The following INPP4B variants were observed in gnomAD, a reference collection of about 807,000 sequenced individuals.
INPP4B encodes the protein inositol polyphosphate 4-phosphatase type II.
INPP4B carries 55 observed loss-of-function variants against 122.5 expected under a neutral mutation model. The observed-to-expected ratio is 0.45, with a 90% CI of 0.36 to 0.56. The LOEUF (loss-of-function observed/expected upper bound fraction) is 0.56. Ranked by LOEUF, INPP4B falls within the 20% of genes least tolerant of loss-of-function variation. The probability of loss-of-function intolerance (pLI) is 0.00; values close to 1 mark genes in which losing one functional copy is unlikely to be tolerated. For missense variants in INPP4B, 1,000 were observed against 1,097.7 expected, an observed-to-expected ratio of 0.91 and a Z score of 1.26; for synonymous variants, 403 against 388.7, an observed-to-expected ratio of 1.04 and a Z score of -0.43.
intron 9 of INPP4B, among the ~76,000 whole-genome samples, chr4:142,297,635 C>T (rs776504677): frequency 2.6e-5 from 4 of 152,196 alleles, no homozygotes; most frequent in Non-Finnish European, 4.4e-5. Flanking sequence ...ACTGAGCAAA[C>T]GCTGGTGTCA....
At chr4:142,199,993 A>G (rs1325186305) in intron 14 of INPP4B, among the ~76,000 whole-genome samples, 1 of 151,992 alleles carries the variant, frequency 6.6e-6, no homozygotes, top group Non-Finnish European at 1.5e-5. Flanking sequence ...GCATTCATTG[A>G]TGGATCTTGA....
intron 2 of INPP4B, among the ~76,000 whole-genome samples, chr4:142,633,969 T>C (rs1170424628): frequency 6.6e-6 from 1 of 150,712 alleles, no homozygotes; most frequent in Non-Finnish European, 1.5e-5. Flanking sequence ...GAGGCTCTGG[T>C]GAGCAGTGAT....
chr4:142,842,436 G>C (rs115599934), intron 1 of INPP4B, among the ~76,000 whole-genome samples: 1 of 148,610 alleles, frequency 6.7e-6, no homozygotes, highest in African/African-American at 2.5e-5. Flanking sequence ...TGGCCTTATG[G>C]TATACCATTG....
intron 3 of INPP4B, among the ~76,000 whole-genome samples, chr4:142,439,506 G>T (rs1460192881): frequency 6.6e-6 from 1 of 152,082 alleles, no homozygotes; most frequent in African/African-American, 2.4e-5. Flanking sequence ...CTCCTTCATG[G>T]ATTCTTTCAC....
chr4:142,694,171 C>G (rs1580721697), intron 2 of INPP4B, among the ~76,000 whole-genome samples: 1 of 151,780 alleles, frequency 6.6e-6, no homozygotes. Flanking sequence ...TCGGGAGTTC[C>G]AGACCAGCCT....
chr4:142,743,639 G>C (rs1263130055), intron 1 of INPP4B, among the ~76,000 whole-genome samples: 1 of 151,882 alleles, frequency 6.6e-6, no homozygotes, highest in African/African-American at 2.4e-5. Context: ...TGAGAAATTG[G>C]CTGCTTTATG....
intron 2 of INPP4B, among the ~76,000 whole-genome samples, chr4:142,585,248 G>A (rs1735916242): frequency 1.3e-5 from 2 of 152,152 alleles, no homozygotes; most frequent in African/African-American, 4.8e-5. Context: ...AATGATGTTA[G>A]AAAACAAGAT....
chr4:142,390,359 A>G (rs541300642), intron 7 of INPP4B, among the ~76,000 whole-genome samples: 15 of 152,200 alleles, frequency 9.9e-5, no homozygotes, highest in Non-Finnish European at 1.9e-4. Flanking sequence ...CCCTCTATCA[A>G]TGAGTAAAGG....
intron 2 of INPP4B, among the ~76,000 whole-genome samples, chr4:142,498,467 C>T (rs1253651292): frequency 1.3e-5 from 2 of 151,964 alleles, no homozygotes; most frequent in African/African-American, 2.4e-5. Flanking sequence ...TACAAAGAAT[C>T]TTCCTATTAA....
chr4:142,767,219 G>T (rs1772289504), intron 1 of INPP4B, among the ~76,000 whole-genome samples: 1 of 152,126 alleles, frequency 6.6e-6, no homozygotes, highest in Non-Finnish European at 1.5e-5. Context: ...TCTTCTTCCG[G>T]TGGGGGAGGG....
intron 2 of INPP4B, among the ~76,000 whole-genome samples, chr4:142,521,207 A>G (rs532748278): frequency 1.3e-5 from 2 of 152,144 alleles, no homozygotes; most frequent in African/African-American, 4.8e-5. Context: ...GCTGTGATGT[A>G]TAACAGCATT....
chr4:142,356,969 G>T (rs1171842887), intron 7 of INPP4B, among the ~76,000 whole-genome samples: 1 of 151,948 alleles, frequency 6.6e-6, no homozygotes, highest in African/African-American at 2.4e-5. Context: ...AGTGCTTCCA[G>T]GCTGGTGAAT....
rs1329859125 is a variant in INPP4B at position 142,297,113 on chromosome 4, C to G, written c.503+8345G>C. On this transcript the variant is annotated intron_variant, in intron 9 of 25. Transcript: ENST00000262992. ...TTATGAATTTCTGTCCTGATTTCAA[C>G]CTTTTATTGCTAAAGTTTTTAGTCT... 2.0e-5 allele frequency among the ~76,000 whole-genome samples: 3 copies of G among 152,278 alleles called. No individual in the cohort carries two copies. In the South Asian group the frequency reaches 6.2e-4, roughly 32 times the overall value.
At chr4:142,721,599 G>C (rs576698589) in intron 2 of INPP4B, among the ~76,000 whole-genome samples, 1 of 152,196 alleles carries the variant, frequency 6.6e-6, no homozygotes, top group Admixed American at 6.5e-5. Context: ...GAGGCGGGTG[G>C]ATCATGAGGT....
At chr4:142,577,826 CT>C in intron 2 of INPP4B, among the ~76,000 whole-genome samples, 1 of 152,092 alleles carries the variant, frequency 6.6e-6, no homozygotes. Context: ...ATGCCCTCAG[CT>C]GCTAGAGGTC....
intron 1 of INPP4B, among the ~76,000 whole-genome samples, chr4:142,777,873 G>A (rs930960280): frequency 6.6e-6 from 1 of 151,842 alleles, no homozygotes; most frequent in Non-Finnish European, 1.5e-5. Flanking sequence ...GGAAAGAGTG[G>A]CACAGCCTAC....
chr4:142,633,121 T>C (rs997866698), intron 2 of INPP4B, among the ~76,000 whole-genome samples: 3 of 151,846 alleles, frequency 2.0e-5, no homozygotes, highest in African/African-American at 4.8e-5. Context: ...GAAAAAGCAA[T>C]CTCTAAGTCA....
At chr4:142,415,805 A>G (rs1805607296) in intron 5 of INPP4B, among the ~76,000 whole-genome samples, 1 of 152,174 alleles carries the variant, frequency 6.6e-6, no homozygotes, top group Admixed American at 6.5e-5. Flanking sequence ...CATATACACC[A>G]TGAAATACTA....
At chr4:142,816,371 T>A (rs1780115328) in intron 1 of INPP4B, among the ~76,000 whole-genome samples, 1 of 152,178 alleles carries the variant, frequency 6.6e-6, no homozygotes, top group Non-Finnish European at 1.5e-5. Flanking sequence ...ATAATTTCAA[T>A]GCCCTTTTGT....
Sources: gnomAD v4.1 joint callset for allele counts (sites outside exome capture counted in the v4.1 genomes callset) on GRCh38, gnomAD v4.1.1 for gene constraint, MANE v1.5 for transcripts, NCBI Gene and HGNC (gene_info 2026-07-23, HGNC 2026-07-21) for gene names.